The following ASAP2 variants were observed in gnomAD, a reference collection of about 807,000 sequenced individuals.
ASAP2 encodes the protein ArfGAP with SH3 domain, ankyrin repeat and PH domain 2, also known as arf-GAP with SH3 domain, ANK repeat and PH domain-containing protein 2.
In ASAP2, 45 loss-of-function variants were observed where a neutral mutation model predicts 131.4. The observed-to-expected ratio is 0.34, with a 90% confidence interval of 0.27 to 0.44. The LOEUF (loss-of-function observed/expected upper bound fraction) is 0.44, where lower values mean the gene tolerates loss of function less well. ASAP2 is among the 20% of genes least tolerant of loss of function. ASAP2 has a pLI of 1.00. For synonymous variants in ASAP2, 510 were observed against 503.0 expected, an observed-to-expected ratio of 1.01 and a Z score of -0.19; for missense variants, 1,011 against 1,297.0, an observed-to-expected ratio of 0.78 and a Z score of 3.39.
At chr2:9,250,996 T>C (rs1465656568) in intron 1 of ASAP2, among the ~76,000 whole-genome samples, 3 of 152,208 alleles carry the variant, frequency 2.0e-5, no homozygotes, top group Admixed American at 2.0e-4. Flanking sequence ...GTGGGCAGGC[T>C]CACCAAGGAG....
At chr2:9,306,270 G>A (rs1445758203) in intron 3 of ASAP2, among the ~76,000 whole-genome samples, 1 of 151,424 alleles carries the variant, frequency 6.6e-6, no homozygotes, top group Non-Finnish European at 1.5e-5. Context: ...GGGCTGTAGG[G>A]GATAGAGATA....
intron 3 of ASAP2, 125 bp downstream of exon 3, chr2:9,297,570 A>T: frequency 1.7e-6 from 2 of 1,199,392 alleles, no homozygotes; most frequent in Non-Finnish European, 2.3e-6. Flanking sequence ...ACCCAAAAGA[A>T]TTATGTTTTT....
At chr2:9,344,689 A>G in intron 10 of ASAP2, 42 bp from the exon 11 acceptor site, 1 of 1,612,890 alleles carries the variant, frequency 6.2e-7, no homozygotes, top group South Asian at 1.1e-5. Flanking sequence ...TCTTGTGTCC[A>G]AAATGTCTAA....
intron 3 of ASAP2, among the ~76,000 whole-genome samples, chr2:9,304,300 G>A (rs1413196579): frequency 6.6e-6 from 1 of 152,130 alleles, no homozygotes; most frequent in Non-Finnish European, 1.5e-5. Flanking sequence ...GTTTGTTTTT[G>A]TTTTTGTCAT....
intron 2 of ASAP2, 38 bp from the exon 3 acceptor site, chr2:9,297,262 T>A (rs1318482953): frequency 6.2e-7 from 1 of 1,604,618 alleles, no homozygotes; most frequent in East Asian, 2.2e-5. Flanking sequence ...GAGGGTGGCA[T>A]GCCTGAGACT....
chr2:9,207,104 G>C lies in ASAP2; in HGVS notation c.-1G>C, dbSNP rs1483679221. 1 of 1,580,646 alleles carries C rather than the reference G, an allele frequency of 6.3e-7. No homozygotes were observed. The highest frequency in any genetic ancestry group is 1.7e-5 in the Admixed American group (1 of 57,204). On this transcript the variant is annotated 5_prime_UTR_variant, in exon 1 of 28. Transcript: ENST00000281419. This position sits in a 1 kb window ranked among gnomAD's most constrained non-coding sequence, Gnocchi z 4.1. ...TGCGCCAGCGCCCTCGCGCCGAGGC[G>C]ATGCCGGACCAGATCTCCGTGTCGG...
At position 9,254,228 on chromosome 2, in the gene ASAP2, A is replaced by T. The variant is rs1363549089; in HGVS notation, c.127-25089A>T. 2.2e-3 allele frequency among the ~76,000 whole-genome samples: 152 copies of T among 69,522 alleles called. 1 individual carries two copies. Among genetic ancestry groups the T allele is most frequent in the Non-Finnish European group, 2.9e-3 (103 of 35,758 alleles). 45.6% of individuals were successfully genotyped at this position (69,522 alleles called of 152,430 possible). A position where few individuals can be genotyped will look rare whatever the true frequency, so the allele number is the denominator to read the frequency against. The stretch of plus-strand genomic sequence containing the variant: ...TGTCTCAAAAAAAAAAAAAAAAAAA[A>T]AAAAAAAAATATATATATATATATA... On this transcript the variant is annotated intron_variant, in intron 1 of 27. Coordinates refer to ENST00000281419, the MANE Select transcript of ASAP2 (RefSeq NM_003887.3).
At position 9,358,838 on chromosome 2, in the gene ASAP2, T is replaced by C. The variant is rs1194723184; in HGVS notation, c.1410T>C (p.Tyr470=). 6.2e-7 allele frequency: 1 copy of C among 1,613,922 alleles called. No individual in the cohort carries two copies. The highest frequency in any genetic ancestry group is 1.7e-5 in the Admixed American group (1 of 59,986). The change falls in exon 15 of 28, where the codon TAT becomes TAC. Residue 470 remains tyrosine, a synonymous_variant. Transcript: ENST00000281419. ...TCCACCGAGAGCTGGGGGTTCATTA[T>C]TCCAGGATGCAGTCCCTGACCTTAG... ...SGIHRELGVH[Y]SRMQSLTLDV...
chr2:9,317,659 C>G (rs1221015549), intron 3 of ASAP2, among the ~76,000 whole-genome samples: 3 of 151,094 alleles, frequency 2.0e-5, no homozygotes, highest in Non-Finnish European at 4.4e-5. Flanking sequence ...CACACTTACA[C>G]AATCACTCAC....
chr2:9,227,693 G>A (rs759324431), intron 1 of ASAP2, among the ~76,000 whole-genome samples: 14 of 152,174 alleles, frequency 9.2e-5, no homozygotes, highest in Non-Finnish European at 1.5e-5. Flanking sequence ...AGAACCAGCT[G>A]AGTATTTGGG....
intron 1 of ASAP2, among the ~76,000 whole-genome samples, chr2:9,263,107 C>T (rs1665691844): frequency 6.6e-6 from 1 of 152,024 alleles, no homozygotes; most frequent in Non-Finnish European, 1.5e-5. Context: ...AGGGCCTGGC[C>T]CAGGCCGTGG....
chr2:9,387,093 A>C (rs1442165558), intron 21 of ASAP2, among the ~76,000 whole-genome samples: 1 of 150,302 alleles, frequency 6.7e-6, no homozygotes, highest in Non-Finnish European at 1.5e-5. Flanking sequence ...GGGCGCCTGT[A>C]GTCCCAGCTA....
At chr2:9,344,116 G>T (rs574093151) in intron 9 of ASAP2, among the ~76,000 whole-genome samples, 3 of 152,316 alleles carry the variant, frequency 2.0e-5, no homozygotes, top group South Asian at 2.1e-4. Context: ...TGATGGTTCT[G>T]TAGTAAGGGA....
At chr2:9,335,507 C>T (rs1671148759) in intron 9 of ASAP2, among the ~76,000 whole-genome samples, 1 of 152,150 alleles carries the variant, frequency 6.6e-6, no homozygotes, top group Non-Finnish European at 1.5e-5. Flanking sequence ...TGTACCTGGC[C>T]CTGTGTCATT....
intron 24 of ASAP2, among the ~76,000 whole-genome samples, chr2:9,396,405 C>T (rs1215301452): frequency 1.3e-5 from 2 of 152,074 alleles, no homozygotes; most frequent in Non-Finnish European, 2.9e-5. Flanking sequence ...CTCCGCATAG[C>T]TGGGACCACA....
At chr2:9,357,340 G>A (rs1015833520) in intron 14 of ASAP2, among the ~76,000 whole-genome samples, 2 of 152,044 alleles carry the variant, frequency 1.3e-5, no homozygotes, top group Admixed American at 6.6e-5. Flanking sequence ...TTAGCCCGGC[G>A]TGGTAGTGCG....
At position 9,374,881 on chromosome 2, in the gene ASAP2, A is replaced by T. The variant is rs746938965; in HGVS notation, c.1683A>T (p.Gly561=). The T allele has an allele frequency of 6.2e-7, 1 of 1,612,952 alleles. No individual in the cohort carries two copies. The stretch of plus-strand genomic sequence containing the variant: ...CCGTCAAAACGAGAGATATTTTTGG[A>T]TTGCTCCAAGCTTATGCTGATGGTG... ...CEAVKTRDIF[G]LLQAYADGVD... is the part of the protein sequence containing the mutation. The change falls in exon 17 of 28, where the codon GGA becomes GGT. Residue 561 remains glycine (G), a synonymous_variant. Coordinates refer to ENST00000281419, the MANE Select transcript of ASAP2 (RefSeq NM_003887.3).
At chr2:9,234,785 C>T (rs1663425807) in intron 1 of ASAP2, among the ~76,000 whole-genome samples, 1 of 152,192 alleles carries the variant, frequency 6.6e-6, no homozygotes, top group African/African-American at 2.4e-5. Flanking sequence ...CACAGGGGCC[C>T]AGCCTGGAGC....
At chr2:9,402,517 G>A (rs1676821797) in intron 27 of ASAP2, among the ~76,000 whole-genome samples, 1 of 152,128 alleles carries the variant, frequency 6.6e-6, no homozygotes, top group Admixed American at 6.6e-5. Flanking sequence ...AGCTACTCGG[G>A]AACCAGCCAG....
Sources: gnomAD v4.1 joint callset for allele counts (sites outside exome capture counted in the v4.1 genomes callset) on GRCh38, gnomAD v4.1.1 for gene constraint, Gnocchi (gnomAD v3.1) non-coding constraint, MANE v1.5 for transcripts, NCBI Gene and HGNC (gene_info 2026-07-23, HGNC 2026-07-21) for gene names.